C1orf105: variants seen among roughly 807,000 people sequenced by gnomAD.
The protein encoded by C1orf105 is chromosome 1 open reading frame 105, also known as uncharacterized protein C1orf105.
Under a neutral mutation model 20.8 loss-of-function variants are expected in C1orf105, and 17 were observed. The ratio of observed to expected loss-of-function variants is 0.82; its 90% confidence interval spans 0.56 to 1.23. C1orf105 has a LOEUF of 1.23. Ranked by LOEUF, C1orf105 falls within the 50% of genes most tolerant of loss-of-function variation. The pLI, the probability that C1orf105 is intolerant of heterozygous loss-of-function variation, is 0.00. For synonymous variants in C1orf105, 72 were observed against 72.1 expected (o/e 1.00, Z 0.01); for missense variants, 219 against 213.5 (o/e 1.03, Z -0.16).
chr1:172,455,826 C>T (rs530274166), intron 3 of C1orf105, among the ~76,000 whole-genome samples: 1 of 152,212 alleles, frequency 6.6e-6, no homozygotes, highest in East Asian at 1.9e-4. Context: ...TGGCTTCAAT[C>T]ATTCTGCTTA....
At chr1:172,439,189 T>C (rs1449076948) in intron 1 of C1orf105, among the ~76,000 whole-genome samples, 2 of 152,136 alleles carry the variant, frequency 1.3e-5, no homozygotes, top group African/African-American at 4.8e-5. Context: ...ATACACACTT[T>C]GTGTGTGTGT....
chr1:172,468,512 CAG>C lies in C1orf105; in HGVS notation c.473_474del (p.Glu158GlyfsTer41). ...ACAGCTGTCTTCCACGGATTACTGA[CAG>C]AGGCCTACAAAACTCTAAAAGAGAG... On this transcript the variant is annotated frameshift_variant, in exon 7 of 7. Coordinates refer to ENST00000367727, the MANE Select transcript of C1orf105 (RefSeq NM_139240.4). LOFTEE classifies it low-confidence loss of function (END_TRUNC). The C allele has an allele frequency of 6.2e-7, 1 of 1,613,984 alleles. No homozygotes were observed. Among genetic ancestry groups the C allele is most frequent in the Non-Finnish European group, 8.5e-7 (1 of 1,179,890 alleles).
At chr1:172,428,525 G>A (rs1006710920) in intron 1 of C1orf105, among the ~76,000 whole-genome samples, 1 of 151,926 alleles carries the variant, frequency 6.6e-6, no homozygotes, top group Non-Finnish European at 1.5e-5. Context: ...CTGCCCAAAG[G>A]TTTTGTAGCA....
In C1orf105 at chr1:172,433,042, T is replaced by C. The variant is rs866290078; in HGVS notation, c.22-12031T>C. Among the ~76,000 whole-genome samples, 87 of 152,052 alleles carry C rather than the reference T, an allele frequency of 5.7e-4. 1 individual carries two copies. Among genetic ancestry groups the C allele is most frequent in the African/African-American group, 2.0e-3 (84 of 41,444 alleles). ...AGTGATTGAGATCAAATTAATGAAA[T>C]AAAGCAAGAAGACAAGTTTAGAGAA... On this transcript the variant is annotated intron_variant, in intron 1 of 6. Coordinates refer to ENST00000367727, the MANE Select transcript of C1orf105 (RefSeq NM_139240.4).
At chr1:172,434,448 C>T (rs2071972304) in intron 1 of C1orf105, among the ~76,000 whole-genome samples, 1 of 152,306 alleles carries the variant, frequency 6.6e-6, no homozygotes, top group East Asian at 1.9e-4. Context: ...GATTAAGAAA[C>T]TCACTTAAAG....
At chr1:172,441,860 C>T (rs1647337745) in intron 1 of C1orf105, 1 of 1,614,138 alleles carries the variant, frequency 6.2e-7, no homozygotes, top group Non-Finnish European at 8.5e-7. Flanking sequence ...AGCAGAAGGG[C>T]AAAGAGTACG....
intron 1 of C1orf105, among the ~76,000 whole-genome samples, chr1:172,430,814 C>G (rs962468817): frequency 1.3e-5 from 2 of 152,146 alleles, no homozygotes; most frequent in African/African-American, 4.8e-5. Flanking sequence ...GCCATTGTTC[C>G]AATTGCATGT....
intron 5 of C1orf105, among the ~76,000 whole-genome samples, chr1:172,463,565 T>C (rs780815397): frequency 3.3e-5 from 5 of 152,320 alleles, no homozygotes; most frequent in East Asian, 3.9e-4. Context: ...AGAGCTCTTA[T>C]ATGATAAAAG....
intron 2 of C1orf105, among the ~76,000 whole-genome samples, chr1:172,446,363 G>A (rs928575687): frequency 2.0e-5 from 3 of 152,168 alleles, no homozygotes; most frequent in African/African-American, 7.2e-5. Context: ...CAAACTCACA[G>A]GCCCATGACA....
chr1:172,446,074 T>C lies in C1orf105; in HGVS notation c.107+916T>C, dbSNP rs547849347. On this transcript the variant is annotated intron_variant, in intron 2 of 6. Coordinates refer to ENST00000367727, the MANE Select transcript of C1orf105 (RefSeq NM_139240.4). ...TAACATGTACCTTTGCTTTGTCTACTGTACATTAAAAAAAAATCTCATTCT... is the reference window on the plus strand; with the variant it reads ...TAACATGTACCTTTGCTTTGTCTACCGTACATTAAAAAAAAATCTCATTCT... Among the ~76,000 whole-genome samples, 4 of 152,300 alleles carry C rather than the reference T, an allele frequency of 2.6e-5. No individual in the cohort carries two copies. In the East Asian group the frequency reaches 5.8e-4, roughly 22 times the overall value.
chr1:172,448,292 T>C, intron 2 of C1orf105, 149 bp from the exon 3 acceptor site: 1 of 607,634 alleles, frequency 1.6e-6, no homozygotes. Flanking sequence ...ATCCATCTTT[T>C]GGGAGCTCCC....
chr1:172,442,079 C>T (rs760843060), intron 1 of C1orf105: 1 of 1,614,122 alleles, frequency 6.2e-7, no homozygotes, highest in Non-Finnish European at 8.5e-7. Context: ...GCAAAGATGG[C>T]CATGTTCAAG....
intron 1 of C1orf105, among the ~76,000 whole-genome samples, chr1:172,435,305 T>C (rs1010153517): frequency 2.6e-5 from 4 of 152,124 alleles, no homozygotes; most frequent in African/African-American, 9.7e-5. Context: ...AAGAGAACTT[T>C]AGGCCAATAT....
chr1:172,454,335 T>C (rs1436447544), intron 3 of C1orf105, among the ~76,000 whole-genome samples: 1 of 151,626 alleles, frequency 6.6e-6, no homozygotes, highest in East Asian at 1.9e-4. Context: ...GCCTCTTGTA[T>C]GATATCTAGT....
intron 3 of C1orf105, among the ~76,000 whole-genome samples, chr1:172,449,901 G>A (rs772075607): frequency 1.3e-5 from 2 of 152,152 alleles, no homozygotes; most frequent in Non-Finnish European, 2.9e-5. Flanking sequence ...CTCACCTGCC[G>A]CTGAATGCCT....
intron 1 of C1orf105, among the ~76,000 whole-genome samples, chr1:172,440,319 T>C (rs1179288673): frequency 6.6e-6 from 1 of 152,216 alleles, no homozygotes. Context: ...TCTGCTCTCT[T>C]CAGGTTTTCT....
At chr1:172,460,863 T>A (rs945169438) in intron 4 of C1orf105, among the ~76,000 whole-genome samples, 2 of 152,154 alleles carry the variant, frequency 1.3e-5, no homozygotes, top group African/African-American at 4.8e-5. Context: ...ACAGTACACT[T>A]TTTCTCAAAA....
chr1:172,441,844 G>T, intron 1 of C1orf105: 1 of 1,614,116 alleles, frequency 6.2e-7, no homozygotes, highest in Non-Finnish European at 8.5e-7. Context: ...ACATGAGATA[G>T]ACATCAGCAG....
At chr1:172,430,367 T>C (rs563276965) in intron 1 of C1orf105, 86 of 689,904 alleles carry the variant, frequency 1.2e-4, no homozygotes, top group Non-Finnish European at 2.2e-4. Context: ...ATGGCAGCAG[T>C]TAAGGGCTCT....
Sources: gnomAD v4.1 joint callset for allele counts (sites outside exome capture counted in the v4.1 genomes callset) on GRCh38, gnomAD v4.1.1 for gene constraint, MANE v1.5 for transcripts, NCBI Gene and HGNC (gene_info 2026-07-23, HGNC 2026-07-21) for gene names.